The following MTREX variants were observed in gnomAD, a reference collection of about 807,000 sequenced individuals.
MTREX encodes the protein Mtr4 exosome RNA helicase.
Under a neutral mutation model 135.4 loss-of-function variants are expected in MTREX, and 76 were observed. That is an observed-to-expected ratio of 0.56 (90% CI 0.47 to 0.68). MTREX has a LOEUF of 0.68. Among genes scored for constraint, MTREX ranks in the 30% least tolerant of loss-of-function variants. MTREX has a pLI of 0.00. For missense variants in MTREX, 920 were observed against 1,262.1 expected, an observed-to-expected ratio of 0.73 and a Z score of 4.11; for synonymous variants, 404 against 401.6, an observed-to-expected ratio of 1.01 and a Z score of -0.07.
chr5:55,391,289 A>C (rs962704050), intron 19 of MTREX, among the ~76,000 whole-genome samples: 1 of 151,892 alleles, frequency 6.6e-6, no homozygotes, highest in Admixed American at 6.6e-5. Context: ...AAAAATAAAT[A>C]AATAACAATT....
At chr5:55,404,675 C>T (rs1375837177) in intron 21 of MTREX, among the ~76,000 whole-genome samples, 1 of 152,146 alleles carries the variant, frequency 6.6e-6, no homozygotes, top group Non-Finnish European at 1.5e-5. Flanking sequence ...ATCCTAAATT[C>T]ACCACTGACT....
chr5:55,381,042 G>A (rs540764456), intron 18 of MTREX, among the ~76,000 whole-genome samples: 2 of 152,222 alleles, frequency 1.3e-5, no homozygotes, highest in East Asian at 1.9e-4. Flanking sequence ...TCTTCAGATT[G>A]TCTGTAATTT....
At chr5:55,335,879 G>C (rs570855265) in intron 5 of MTREX, among the ~76,000 whole-genome samples, 1 of 152,036 alleles carries the variant, frequency 6.6e-6, no homozygotes, top group Non-Finnish European at 1.5e-5. Flanking sequence ...TGACTCAATC[G>C]ATGAAAATGA....
At chr5:55,392,416 G>A (rs190205405) in intron 19 of MTREX, among the ~76,000 whole-genome samples, 3 of 152,096 alleles carry the variant, frequency 2.0e-5, no homozygotes, top group South Asian at 2.1e-4. Context: ...GATGGTGTGC[G>A]CTGGTAGCTT....
intron 25 of MTREX, among the ~76,000 whole-genome samples, chr5:55,422,113 A>G (rs1180953307): frequency 1.3e-5 from 2 of 152,206 alleles, no homozygotes; most frequent in East Asian, 1.9e-4. Context: ...TGTATTTCAT[A>G]TATTAAAAAT....
chr5:55,378,426 A>G lies in MTREX; in HGVS notation c.1923A>G (p.Glu641=), dbSNP rs745596051. Residue 641 remains glutamate, a synonymous_variant, in exon 17 of 27, where the codon GAA becomes GAG. Coordinates refer to ENST00000230640, the MANE Select transcript of MTREX (RefSeq NM_015360.5). ...TTGCCAAATTGGGTAAAGAAATTGA[A>G]GAATATATTCACAAACCAAAATACT... is the stretch of plus-strand genomic sequence containing the variant. The part of the protein sequence containing the change: ...QQLAKLGKEI[E]EYIHKPKYCL... 5.6e-6 allele frequency: 9 copies of G among 1,612,728 alleles called. No homozygotes were observed. The highest frequency in any genetic ancestry group is 7.6e-6 in the Non-Finnish European group (9 of 1,179,578).
intron 1 of MTREX, among the ~76,000 whole-genome samples, chr5:55,321,353 A>G (rs1377127581): frequency 2.6e-5 from 4 of 152,118 alleles, no homozygotes; most frequent in Non-Finnish European, 4.4e-5. Flanking sequence ...CCTCTTTTCT[A>G]AAGTGCCCAC....
intron 25 of MTREX, among the ~76,000 whole-genome samples, chr5:55,417,694 G>C (rs1327094617): frequency 6.6e-6 from 1 of 152,170 alleles, no homozygotes; most frequent in South Asian, 2.1e-4. Context: ...TTGTGTTTCA[G>C]CAGCACTAGG....
intron 18 of MTREX, among the ~76,000 whole-genome samples, chr5:55,381,113 A>T (rs1284321230): frequency 6.6e-6 from 1 of 152,130 alleles, no homozygotes; most frequent in East Asian, 1.9e-4. Flanking sequence ...TATGGTCATT[A>T]GTAGTGTCTC....
At chr5:55,368,704 A>G (rs915612047) in intron 16 of MTREX, among the ~76,000 whole-genome samples, 1 of 152,298 alleles carries the variant, frequency 6.6e-6, no homozygotes, top group South Asian at 2.1e-4. Flanking sequence ...CAGCTGGACT[A>G]TAGGCATGTG....
At position 55,397,412 on chromosome 5, in the gene MTREX, A is replaced by G. The variant is rs1426278919; in HGVS notation, c.2182-4A>G. The G allele has an allele frequency of 1.7e-5, 28 of 1,602,332 alleles. No individual in the cohort carries two copies. Among genetic ancestry groups the G allele is most frequent in the African/African-American group, 8.0e-5 (6 of 74,700 alleles). ...TGTAATACTGTATAACTTTTTGGTC[A>G]TAGGTTGTCCCAGTTTTGGTGCATC... On this transcript the variant is annotated splice_polypyrimidine_tract_variant and splice_region_variant and intron_variant, in intron 19 of 26. Transcript: ENST00000230640.
chr5:55,424,337 G>A (rs929440631), intron 26 of MTREX: 1 of 155,794 alleles, frequency 6.4e-6, no homozygotes, highest in Non-Finnish European at 1.4e-5. Context: ...TAGAGACGGG[G>A]TTTCTCCATG....
Position 55,340,035 on chromosome 5 carries a change from GA to G in MTREX, c.545del (p.Lys182SerfsTer4). 2 of 1,568,248 alleles carry G rather than the reference GA, an allele frequency of 1.3e-6. No homozygotes were observed. The highest frequency in any genetic ancestry group is 1.9e-5 in the Admixed American group (1 of 53,812). ...AEYAIALALR[E>X]KQRVIFTSPI... ...GTATGCCATTGCATTGGCCTTAAGG[GA>G]AAAGCAGCGTGTAATATTTACCAGC... On this transcript the variant is annotated frameshift_variant, in exon 6 of 27. Coordinates refer to ENST00000230640, the MANE Select transcript of MTREX (RefSeq NM_015360.5). LOFTEE classifies it high-confidence loss of function.
chr5:55,356,442 G>T, intron 14 of MTREX: 1 of 208,816 alleles, frequency 4.8e-6, no homozygotes, highest in South Asian at 9.3e-5. Flanking sequence ...GTGTGAGGAG[G>T]CACATTTGAG....
At position 55,397,463 on chromosome 5, in the gene MTREX, G is replaced by A. The variant is rs1342158615; in HGVS notation, c.2229G>A (p.Arg743=). The part of the protein sequence containing the change: ...VHLLSAISSV[R]LYIPKDLRPV... Reference sequence around the variant, plus strand: ...TCCTGTCTGCTATCAGCAGTGTTAGGCTTTACATTCCTAAAGACCTTCGGC... The same window carrying A: ...TCCTGTCTGCTATCAGCAGTGTTAGACTTTACATTCCTAAAGACCTTCGGC... Residue 743 remains arginine (R), a synonymous_variant, in exon 20 of 27, where the codon AGG becomes AGA. Transcript: ENST00000230640. 3 of 1,610,550 alleles carry A rather than the reference G, an allele frequency of 1.9e-6. No homozygotes were observed. The South Asian group carries it at 3.3e-5, about 18-fold the overall frequency.
intron 23 of MTREX, among the ~76,000 whole-genome samples, chr5:55,410,980 G>T (rs1324269268): frequency 6.6e-6 from 1 of 152,162 alleles, no homozygotes; most frequent in Non-Finnish European, 1.5e-5. Context: ...ATAAAAGGGG[G>T]AAGTGAGGTT....
At chr5:55,351,234 T>C (rs960127854) in intron 13 of MTREX, among the ~76,000 whole-genome samples, 2 of 152,144 alleles carry the variant, frequency 1.3e-5, no homozygotes, top group African/African-American at 2.4e-5. Context: ...GTTTCCTTTC[T>C]TCAAGAATGT....
chr5:55,420,952 G>C lies in MTREX; in HGVS notation c.2972-1926G>C, dbSNP rs557761729. Reference sequence around the variant, plus strand: ...TGTATACTTTAACATGGTTAAAAAGGTGGATTTTATGTTTTATATTTTACC... The same window carrying C: ...TGTATACTTTAACATGGTTAAAAAGCTGGATTTTATGTTTTATATTTTACC... On this transcript the variant is annotated intron_variant, in intron 25 of 26. Transcript: ENST00000230640. Among the ~76,000 whole-genome samples, 15 of 152,208 alleles carry C rather than the reference G, an allele frequency of 9.9e-5. No homozygotes were observed. The South Asian group carries it at 2.9e-3, about 29-fold the overall frequency.
intron 21 of MTREX, among the ~76,000 whole-genome samples, chr5:55,405,006 A>G (rs955143846): frequency 1.3e-5 from 2 of 151,586 alleles, no homozygotes; most frequent in African/African-American, 4.8e-5. Flanking sequence ...GTACAGACGG[A>G]GTTTCACCAT....
Sources: gnomAD v4.1 joint callset for allele counts (sites outside exome capture counted in the v4.1 genomes callset) on GRCh38, gnomAD v4.1.1 for gene constraint, MANE v1.5 for transcripts, NCBI Gene and HGNC (gene_info 2026-07-23, HGNC 2026-07-21) for gene names.